The following KCND3 variants were observed in gnomAD, a reference collection of about 807,000 sequenced individuals.
KCND3 encodes the protein potassium voltage-gated channel subfamily D member 3.
A neutral mutation model predicts 51.1 loss-of-function variants in KCND3; 9 were observed. The ratio of observed to expected loss-of-function variants is 0.18; its 90% CI spans 0.11 to 0.31. The LOEUF is 0.31. Ranked by LOEUF, KCND3 falls within the 10% of genes least tolerant of loss-of-function variation. KCND3 has a pLI of 1.00. For missense variants in KCND3, 526 were observed against 903.8 expected, an observed-to-expected ratio of 0.58 and a Z score of 5.36; for synonymous variants, 349 against 368.0, an observed-to-expected ratio of 0.95 and a Z score of 0.59.
intron 2 of KCND3, among the ~76,000 whole-genome samples, chr1:111,925,172 G>A (rs181564665): frequency 3.7e-4 from 56 of 152,328 alleles, no homozygotes; most frequent in African/African-American, 1.3e-3. Flanking sequence ...TGTTGCTGGC[G>A]CAGGCTGCCC....
intron 2 of KCND3, among the ~76,000 whole-genome samples, chr1:111,960,479 G>C (rs1302079082): frequency 6.6e-6 from 1 of 152,220 alleles, no homozygotes; most frequent in Non-Finnish European, 1.5e-5. Flanking sequence ...AGCCAGGGCT[G>C]GTACCCCTTC....
chr1:111,888,095 G>A (rs1669650932), intron 2 of KCND3, among the ~76,000 whole-genome samples: 1 of 152,210 alleles, frequency 6.6e-6, no homozygotes, highest in African/African-American at 2.4e-5. Flanking sequence ...GGAGGGCAGG[G>A]ATTGGAGGCA....
At position 111,798,442 on chromosome 1, in the gene KCND3, C is replaced by A. The variant is rs552430749; in HGVS notation, c.1107-11336G>T. ...GTTGGAGCACTTACTCCTTTATGCC[C>A]TGACATACCTCCCCAAAATGTCTAT... On this transcript the variant is annotated intron_variant, in intron 2 of 7. Coordinates refer to ENST00000302127, the MANE Select transcript of KCND3 (RefSeq NM_001378969.1). 3.9e-5 allele frequency among the ~76,000 whole-genome samples: 6 copies of A among 152,234 alleles called. No homozygotes were observed. In the East Asian group the frequency reaches 1.2e-3, roughly 29 times the overall value.
rs1406093430 is a variant in KCND3 at position 111,982,404 on chromosome 1, T to C, written c.323A>G (p.Tyr108Cys). Residue 108 changes from tyrosine (Y) to cysteine (C), a missense_variant, in exon 2 of 8, where the codon TAC becomes TGC. By Grantham distance (194) the Tyr-to-Cys change is radical. This residue lies in a region of KCND3 where 159 missense variants were observed against 262.8 expected (regional missense o/e 0.61). Transcript: ENST00000302127. The surrounding 1 kb of genome is among the most constrained non-coding windows in gnomAD (Gnocchi z 8.5). Reference protein sequence around the residue: ...YRTGKLHYPRYECISAYDDEL... With the variant: ...YRTGKLHYPRCECISAYDDEL... ...GTCGTCGTAGGCAGAGATGCACTCG[T>C]AGCGCGGGTAGTGCAGCTTCCCCGT... The C allele has an allele frequency of 6.2e-7, 1 of 1,614,186 alleles. No individual in the cohort carries two copies. Among genetic ancestry groups the C allele is most frequent in the East Asian group, 2.2e-5 (1 of 44,866 alleles).
At chr1:111,897,311 A>G (rs1670167490) in intron 2 of KCND3, among the ~76,000 whole-genome samples, 1 of 152,202 alleles carries the variant, frequency 6.6e-6, no homozygotes, top group Admixed American at 6.5e-5. Context: ...CCCACCCTCT[A>G]TGGTTTGCCC....
chr1:111,809,371 C>A (rs1038076948), intron 2 of KCND3, among the ~76,000 whole-genome samples: 1 of 151,594 alleles, frequency 6.6e-6, no homozygotes, highest in South Asian at 2.1e-4. Flanking sequence ...TTCAGTGGCG[C>A]GATCTTGGCT....
intron 2 of KCND3, among the ~76,000 whole-genome samples, chr1:111,789,047 G>A (rs965452304): frequency 6.6e-6 from 1 of 152,182 alleles, no homozygotes; most frequent in African/African-American, 2.4e-5. Context: ...CACCTTAGCT[G>A]GGATTTTCAG....
At chr1:111,950,038 G>C (rs558288277) in intron 2 of KCND3, among the ~76,000 whole-genome samples, 2 of 152,272 alleles carry the variant, frequency 1.3e-5, no homozygotes, top group East Asian at 3.9e-4. Context: ...AGCCTCCCAA[G>C]TAGCTGGGAT....
chr1:111,885,754 C>A (rs1231993186), intron 2 of KCND3, among the ~76,000 whole-genome samples: 2 of 151,972 alleles, frequency 1.3e-5, no homozygotes, highest in African/African-American at 4.8e-5. Context: ...CTCACTGCAA[C>A]CTCCGCCTTC....
intron 2 of KCND3, among the ~76,000 whole-genome samples, chr1:111,841,301 T>C (rs550468619): frequency 6.6e-6 from 1 of 152,228 alleles, no homozygotes; most frequent in South Asian, 2.1e-4. Flanking sequence ...GTAGTGTTTC[T>C]CTTTCTCTGC....
At chr1:111,806,275 C>T (rs1665567801) in intron 2 of KCND3, among the ~76,000 whole-genome samples, 1 of 152,244 alleles carries the variant, frequency 6.6e-6, no homozygotes, top group Non-Finnish European at 1.5e-5. Flanking sequence ...TGGGGACACT[C>T]CTGTTGATGC....
intron 2 of KCND3, among the ~76,000 whole-genome samples, chr1:111,922,114 A>G (rs771080394): frequency 2.0e-5 from 3 of 152,212 alleles, no homozygotes; most frequent in African/African-American, 4.8e-5. Flanking sequence ...AGGCAGCCCT[A>G]ACTTGTCCAA....
intron 2 of KCND3, among the ~76,000 whole-genome samples, chr1:111,867,018 C>T (rs1004965349): frequency 2.6e-5 from 4 of 152,272 alleles, no homozygotes; most frequent in South Asian, 2.1e-4. Context: ...TTTAAGTCCT[C>T]GCTCTGCCAG....
intron 2 of KCND3, among the ~76,000 whole-genome samples, chr1:111,831,961 TG>T (rs1407052398): frequency 6.6e-6 from 1 of 152,194 alleles, no homozygotes; most frequent in Non-Finnish European, 1.5e-5. Context: ...TCCAGAACAA[TG>T]GGCACAGGGC....
chr1:111,850,053 A>G (rs1057492506), intron 2 of KCND3, among the ~76,000 whole-genome samples: 1 of 152,180 alleles, frequency 6.6e-6, no homozygotes, highest in South Asian at 2.1e-4. Flanking sequence ...CAGAGAGCCC[A>G]TAACTCATCA....
At chr1:111,797,968 C>T (rs1454495769) in intron 2 of KCND3, among the ~76,000 whole-genome samples, 1 of 152,224 alleles carries the variant, frequency 6.6e-6, no homozygotes, top group Non-Finnish European at 1.5e-5. Flanking sequence ...GCTACTGCAT[C>T]AGTCCAGGCA....
chr1:111,894,196 C>T (rs1669989070), intron 2 of KCND3, among the ~76,000 whole-genome samples: 1 of 152,206 alleles, frequency 6.6e-6, no homozygotes. Context: ...CCTTACCCCA[C>T]TTGTTCACTC....
rs554077269 is a variant in KCND3, at chr1:111,783,508, A to G, written c.1270-2717T>C. The stretch of plus-strand genomic sequence containing the variant: ...TATGTTCAAGCCAATACTTCTATCA[A>G]TCCTTGGGAGGCCTCTCACAATTAA... On this transcript the variant is annotated intron_variant, in intron 3 of 7. Coordinates refer to ENST00000302127, the MANE Select transcript of KCND3 (RefSeq NM_001378969.1). 2.0e-5 allele frequency among the ~76,000 whole-genome samples: 3 copies of G among 152,300 alleles called. No homozygotes were observed. The South Asian group carries it at 6.2e-4, about 32-fold the overall frequency.
At chr1:111,928,482 G>A (rs1671814749) in intron 2 of KCND3, among the ~76,000 whole-genome samples, 1 of 152,250 alleles carries the variant, frequency 6.6e-6, no homozygotes, top group South Asian at 2.1e-4. Context: ...GACCAGGGGT[G>A]GGGCCTGGCT....
Sources: gnomAD v4.1 joint callset for allele counts (sites outside exome capture counted in the v4.1 genomes callset) on GRCh38, gnomAD v4.1.1 for gene constraint, gnomAD v4.1.1 regional missense constraint, Gnocchi (gnomAD v3.1) non-coding constraint, MANE v1.5 for transcripts, NCBI Gene and HGNC (gene_info 2026-07-23, HGNC 2026-07-21) for gene names.